DNAH14: variants seen among roughly 807,000 people sequenced by gnomAD.
DNAH14 encodes the protein dynein axonemal heavy chain 14, also known as axonemal beta dynein heavy chain 14.
DNAH14 carries 478 observed loss-of-function variants against 520.9 expected under a neutral mutation model. The observed-to-expected ratio is 0.92, with a 90% CI of 0.85 to 0.99. The LOEUF (loss-of-function observed/expected upper bound fraction) is 0.99. Among genes scored for constraint, DNAH14 ranks in the 50% least tolerant of loss-of-function variants. DNAH14 has a pLI of 0.00. For synonymous variants in DNAH14, 1,581 were observed against 1,757.2 expected (o/e 0.90, Z 2.51); for missense variants, 4,831 against 5,234.5 (o/e 0.92, Z 2.38).
intron 53 of DNAH14, among the ~76,000 whole-genome samples, chr1:225,276,991 GAGGAAGGA>G (rs1181160187): frequency 0.028 from 1,466 of 53,104 alleles, 87 homozygotes; most frequent in African/African-American, 0.11. Flanking sequence ...GGAAGGGAGG[GAGGAAGGA>G]AGGGAGGGAG....
intron 2 of DNAH14, 127 bp from the exon 3 acceptor site, chr1:224,954,832 G>A (rs2060410061): frequency 1.5e-6 from 1 of 650,046 alleles, no homozygotes; most frequent in Non-Finnish European, 2.6e-6. Flanking sequence ...GTTAACCATA[G>A]CATTTATTAA....
At chr1:225,193,653 C>T (rs1278223105) in intron 38 of DNAH14, among the ~76,000 whole-genome samples, 1 of 152,062 alleles carries the variant, frequency 6.6e-6, no homozygotes, top group Non-Finnish European at 1.5e-5. Context: ...ACAAGGATGC[C>T]CACTATCACT....
At chr1:225,354,387 C>T in intron 73 of DNAH14, 1 of 635,362 alleles carries the variant, frequency 1.6e-6, no homozygotes, top group Non-Finnish European at 2.9e-6. Context: ...TTGCCCAGCA[C>T]CTCTATTTCT....
At chr1:225,318,726 T>C in intron 61 of DNAH14, 49 bp downstream of exon 61, 1 of 1,485,428 alleles carries the variant, frequency 6.7e-7, no homozygotes. Flanking sequence ...GAAAAAAACA[T>C]AAATTCATGT....
At chr1:225,173,588 A>T (rs2082956916) in intron 36 of DNAH14, among the ~76,000 whole-genome samples, 1 of 152,218 alleles carries the variant, frequency 6.6e-6, no homozygotes. Flanking sequence ...TAGAATGGTG[A>T]TCATCAAAAA....
chr1:225,130,163 G>A (rs1292774311), intron 27 of DNAH14, among the ~76,000 whole-genome samples: 1 of 152,114 alleles, frequency 6.6e-6, no homozygotes. Context: ...AAAAAGTCAG[G>A]AAACAACAGG....
chr1:225,271,261 T>C (rs638672), intron 50 of DNAH14, among the ~76,000 whole-genome samples: 20,389 of 152,170 alleles, frequency 0.13, 1,531 homozygotes, highest in East Asian at 0.31. Context: ...TTGGTCCCAG[T>C]TGGCATACAG....
At chr1:225,381,867 A>G (rs2095788190) in intron 81 of DNAH14, among the ~76,000 whole-genome samples, 1 of 152,234 alleles carries the variant, frequency 6.6e-6, no homozygotes. Context: ...ATAAGTGTTG[A>G]GTTTAATTGC....
intron 44 of DNAH14, among the ~76,000 whole-genome samples, chr1:225,255,198 C>T (rs1037975842): frequency 6.6e-6 from 1 of 152,090 alleles, no homozygotes. Flanking sequence ...TTTTGATTTC[C>T]ACTAATGTTT....
intron 1 of DNAH14, among the ~76,000 whole-genome samples, chr1:224,940,807 T>A (rs2059372352): frequency 6.6e-6 from 1 of 152,186 alleles, no homozygotes; most frequent in African/African-American, 2.4e-5. Flanking sequence ...CTGAGAATGA[T>A]GGTTTCCACC....
At chr1:225,061,605 C>T (rs1305916080) in intron 17 of DNAH14, among the ~76,000 whole-genome samples, 1 of 152,214 alleles carries the variant, frequency 6.6e-6, no homozygotes, top group African/African-American at 2.4e-5. Flanking sequence ...CTGCGTCGCT[C>T]ATGCTGGGAG....
intron 21 of DNAH14, among the ~76,000 whole-genome samples, chr1:225,096,454 G>A (rs1432623858): frequency 1.3e-5 from 2 of 152,104 alleles, no homozygotes; most frequent in Non-Finnish European, 2.9e-5. Flanking sequence ...TTAGGGGATG[G>A]ACAAGTCCAC....
At chr1:225,398,477 G>C in intron 84 of DNAH14, 43 bp from the exon 85 acceptor site, 4 of 1,545,646 alleles carry the variant, frequency 2.6e-6, no homozygotes, top group Non-Finnish European at 2.6e-6. Context: ...GTTGGTCGCT[G>C]CTTCTCCTGG....
chr1:225,232,492 T>C lies in DNAH14; in HGVS notation c.6518+1341T>C, dbSNP rs2091225584. On this transcript the variant is annotated intron_variant, in intron 42 of 85. Coordinates refer to ENST00000682510, the MANE Select transcript of DNAH14 (RefSeq NM_001367479.1). The surrounding 1 kb of genome is among the most constrained non-coding windows in gnomAD (Gnocchi z 4.2). ...TTAAGACTTCCCATTACTCTCAAAG[T>C]GGAAGAAAAAAAATCTTGGTACAGC... is the stretch of plus-strand genomic sequence containing the variant. Among the ~76,000 whole-genome samples the C allele has an allele frequency of 1.3e-5, 2 of 152,164 alleles. No homozygotes were observed. The highest frequency in any genetic ancestry group is 6.5e-5 in the Admixed American group (1 of 15,276).
rs1269923683 is a variant in DNAH14, at chr1:225,273,079, G to A, written c.7964G>A (p.Ser2655Asn). 1 of 1,551,122 alleles carries A rather than the reference G, an allele frequency of 6.4e-7. No individual in the cohort carries two copies. The change falls in exon 52 of 86, where the codon AGC becomes AAC. Residue 2655 changes from serine to asparagine, a missense_variant. Coordinates refer to ENST00000682510, the MANE Select transcript of DNAH14 (RefSeq NM_001367479.1). ...HDRLIDFTDK[S>N]LFYRLLSREL... ...CGCTTAATTGATTTCACTGATAAAA[G>A]CCTTTTCTATCGGTTGCTTTCAAGG...
At chr1:225,322,049 T>C (rs1344293386) in intron 61 of DNAH14, among the ~76,000 whole-genome samples, 1 of 150,582 alleles carries the variant, frequency 6.6e-6, no homozygotes, top group African/African-American at 2.4e-5. Context: ...TATTTTTAAA[T>C]AACTCTACAG....
At chr1:225,249,529 A>C (rs960585591) in intron 43 of DNAH14, among the ~76,000 whole-genome samples, 4 of 152,158 alleles carry the variant, frequency 2.6e-5, no homozygotes, top group African/African-American at 9.7e-5. Context: ...AGCTTTCCAG[A>C]TGGTGGCCCA....
chr1:225,380,301 T>A lies in DNAH14; in HGVS notation c.12859T>A (p.Ser4287Thr). Reference protein sequence around the residue: ...KSMMSSSIWESLSKNLKDHDP... With the variant: ...KSMMSSSIWETLSKNLKDHDP... Reference sequence around the variant, plus strand: ...CATGATGTCAAGCTCCATTTGGGAGTCTCTTTCTAAAAATCTCAAAGGTGA... The same window carrying A: ...CATGATGTCAAGCTCCATTTGGGAGACTCTTTCTAAAAATCTCAAAGGTGA... The change falls in exon 80 of 86, where the codon TCT (serine) becomes ACT (threonine). Residue 4287 changes from serine to threonine, a missense_variant. Coordinates refer to ENST00000682510, the MANE Select transcript of DNAH14 (RefSeq NM_001367479.1). 2 of 1,551,138 alleles carry A rather than the reference T, an allele frequency of 1.3e-6. No individual in the cohort carries two copies. The highest frequency in any genetic ancestry group is 2.4e-5 in the South Asian group (2 of 83,960).
chr1:225,073,852 T>C (rs2071865764), intron 17 of DNAH14, among the ~76,000 whole-genome samples: 1 of 150,428 alleles, frequency 6.6e-6, no homozygotes, highest in African/African-American at 2.5e-5. Flanking sequence ...CCAACTGATT[T>C]TTGTATTTTT....
Sources: gnomAD v4.1 joint callset for allele counts (sites outside exome capture counted in the v4.1 genomes callset) on GRCh38, gnomAD v4.1.1 for gene constraint, Gnocchi (gnomAD v3.1) non-coding constraint, MANE v1.5 for transcripts, NCBI Gene and HGNC (gene_info 2026-07-23, HGNC 2026-07-21) for gene names.